PDE4C: variants seen among roughly 807,000 people sequenced by gnomAD.
PDE4C encodes the protein phosphodiesterase 4C, also known as 3',5'-cyclic-AMP phosphodiesterase 4C.
Under a neutral mutation model 63.9 loss-of-function variants are expected in PDE4C, and 50 were observed. The observed-to-expected ratio is 0.78, with a 90% CI of 0.62 to 0.99. The LOEUF (loss-of-function observed/expected upper bound fraction) is 0.99, where lower values mean the gene tolerates loss of function less well. Ranked by LOEUF, PDE4C falls within the 50% of genes least tolerant of loss-of-function variation. The probability of loss-of-function intolerance (pLI) is 0.00; values close to 1 mark genes in which losing one functional copy is unlikely to be tolerated. For missense variants in PDE4C, 777 were observed against 899.1 expected, an observed-to-expected ratio of 0.86 and a Z score of 1.74; for synonymous variants, 377 against 385.1, an observed-to-expected ratio of 0.98 and a Z score of 0.25.
the PDE4C span, among the ~76,000 whole-genome samples, chr19:18,253,860 C>T: frequency 6.6e-6 from 1 of 152,228 alleles, no homozygotes; most frequent in Non-Finnish European, 1.5e-5. Context: ...CGACTTCCCA[C>T]CCAGTTCCAG....
At chr19:18,240,894 G>C (rs1052699138) in intron 1 of PDE4C, among the ~76,000 whole-genome samples, 24 of 152,180 alleles carry the variant, frequency 1.6e-4, no homozygotes, top group Non-Finnish European at 1.2e-4. Flanking sequence ...TATGAGTGGA[G>C]GGCCCTCTGA....
At chr19:18,222,700 C>CTTTTCT (rs1968545220) in intron 1 of PDE4C, among the ~76,000 whole-genome samples, 3 of 53,360 alleles carry the variant, frequency 5.6e-5, no homozygotes, top group Non-Finnish European at 9.3e-5. Context: ...CCTTTCTTTT[C>CTTTTCT]TTTTTTTTTT....
chr19:18,221,026 C>T, intron 4 of PDE4C, 79 bp downstream of exon 4: 1 of 1,515,884 alleles, frequency 6.6e-7, no homozygotes, highest in Non-Finnish European at 8.9e-7. Context: ...GCCGGAGCCC[C>T]AGCCTCAATT....
exon 1 of PDE4C, chr19:18,233,522 A>G (rs763655239): frequency 5.1e-6 from 3 of 591,890 alleles, no homozygotes; most frequent in African/African-American, 1.8e-5. Context: ...CGCTGCATGG[A>G]AAAGAACCAA....
intron 1 of PDE4C, among the ~76,000 whole-genome samples, chr19:18,239,764 G>A (rs1355306771): frequency 2.0e-5 from 3 of 152,084 alleles, no homozygotes; most frequent in South Asian, 2.1e-4. Flanking sequence ...GGTGGCTCAC[G>A]CCTGTAATCC....
In PDE4C at chr19:18,220,671, T is replaced by C; in HGVS notation, c.500-156A>G. The C allele has an allele frequency of 1.3e-6, 1 of 787,058 alleles. No homozygotes were observed. 48.8% of individuals were successfully genotyped at this position (787,058 alleles called of 1,614,324 possible). A position where few individuals can be genotyped will look rare whatever the true frequency, so the allele number is the denominator to read the frequency against. Reference sequence around the variant, plus strand: ...GTTCCAGATCTGTTCCCCGAGTGCCTGTGTGACCATGAGATCTCTGGGCCT... The same window carrying C: ...GTTCCAGATCTGTTCCCCGAGTGCCCGTGTGACCATGAGATCTCTGGGCCT... On this transcript the variant is annotated intron_variant, in intron 5 of 14. Transcript: ENST00000262805. This position sits in a 1 kb window ranked among gnomAD's most constrained non-coding sequence, Gnocchi z 5.1.
chr19:18,231,494 C>T (rs1209376596), intron 1 of PDE4C, among the ~76,000 whole-genome samples: 1 of 152,174 alleles, frequency 6.6e-6, no homozygotes, highest in Admixed American at 6.5e-5. Flanking sequence ...GCTCCAACCC[C>T]TCTGGGCTGT....
chr19:18,231,256 G>A (rs377612864), upstream of PDE4C, among the ~76,000 whole-genome samples: 10 of 152,346 alleles, frequency 6.6e-5, no homozygotes, highest in South Asian at 1.4e-3. Flanking sequence ...TGACTGCAGC[G>A]CATACGATGC....
chr19:18,222,185 G>A, exon 2 of PDE4C: 1 of 1,614,174 alleles, frequency 6.2e-7, no homozygotes, highest in South Asian at 1.1e-5. Context: ...AGAGTTCATA[G>A]TCGCTATCTG....
upstream of PDE4C, among the ~76,000 whole-genome samples, chr19:18,228,538 G>C (rs576986195): frequency 6.6e-5 from 10 of 152,152 alleles, no homozygotes; most frequent in African/African-American, 2.4e-4. Context: ...GGGTCCTCCC[G>C]CACTGGATGC....
intron 1 of PDE4C, chr19:18,224,339 G>A: frequency 1.0e-6 from 1 of 985,488 alleles, no homozygotes; most frequent in Non-Finnish European, 1.2e-6. Flanking sequence ...GTGTCCGGCT[G>A]GTCCCGGCCA....
intron 1 of PDE4C, chr19:18,248,072 G>A (rs1233566915): frequency 4.8e-6 from 2 of 415,460 alleles, no homozygotes; most frequent in East Asian, 1.5e-4. Flanking sequence ...TGGCTCTGAT[G>A]GTTTCAGGGG....
At chr19:18,241,986 A>G (rs1969049776) in intron 1 of PDE4C, among the ~76,000 whole-genome samples, 1 of 152,220 alleles carries the variant, frequency 6.6e-6, no homozygotes, top group African/African-American at 2.4e-5. Context: ...AGAAAACTGG[A>G]CAAGGGTCTG....
upstream of PDE4C, among the ~76,000 whole-genome samples, chr19:18,237,249 A>T (rs1446403843): frequency 1.3e-5 from 2 of 151,980 alleles, no homozygotes; most frequent in African/African-American, 4.8e-5. Flanking sequence ...ACGTGGGGGG[A>T]TATAAATAGT....
chr19:18,215,326 T>G (rs542090592), intron 12 of PDE4C, among the ~76,000 whole-genome samples: 1 of 152,212 alleles, frequency 6.6e-6, no homozygotes, highest in South Asian at 2.1e-4. Flanking sequence ...TGAACCTTCC[T>G]CCTCACAGCT....
chr19:18,208,016 A>G (rs1219832383), downstream of PDE4C: 1 of 152,220 alleles, frequency 6.6e-6, no homozygotes, highest in Non-Finnish European at 1.5e-5. Flanking sequence ...CATTATTTCC[A>G]AATTTTTTAC....
intron 1 of PDE4C, among the ~76,000 whole-genome samples, chr19:18,245,317 C>T (rs1295182455): frequency 6.6e-6 from 1 of 152,078 alleles, no homozygotes; most frequent in African/African-American, 2.4e-5. Context: ...GTGCCTGTCA[C>T]AACACCCAGC....
chr19:18,251,458 A>G (rs1600109793), upstream of PDE4C, among the ~76,000 whole-genome samples: 1 of 142,278 alleles, frequency 7.0e-6, no homozygotes, highest in Non-Finnish European at 1.5e-5. Context: ...TATTTGAGAC[A>G]GAGTCTTACT....
At chr19:18,251,274 C>T (rs868579326), upstream of PDE4C, among the ~76,000 whole-genome samples, 15 of 149,294 alleles carry the variant, frequency 1.0e-4, no homozygotes, top group Middle Eastern at 3.8e-3. Context: ...TACAGGCGCC[C>T]GCCACCATGC....
Sources: allele counts gnomAD v4.1 joint callset (sites outside exome capture counted in the v4.1 genomes callset), GRCh38; gene constraint gnomAD v4.1.1; non-coding constraint Gnocchi (gnomAD v3.1); transcripts MANE v1.5; gene names NCBI Gene and HGNC (gene_info 2026-07-23, HGNC 2026-07-21).